Variants in HSPD1 observed in about 807,000 individuals in gnomAD.
The protein encoded by HSPD1 is 60 kDa heat shock protein, mitochondrial.
In HSPD1, 3 loss-of-function variants were observed where a neutral mutation model predicts 53.0. The observed-to-expected ratio is 0.06, with a 90% CI of 0.03 to 0.15. HSPD1 has a LOEUF of 0.15. Among genes scored for constraint, HSPD1 ranks in the 10% least tolerant of loss-of-function variants. The pLI is 1.00. For synonymous variants in HSPD1, 200 were observed against 228.0 expected (o/e 0.88, Z 1.10); for missense variants, 431 against 694.1 (o/e 0.62, Z 4.26).
At chr2:197,500,241 G>A (rs957116940), upstream of HSPD1, 8 of 675,030 alleles carry the variant, frequency 1.2e-5, no homozygotes, top group Middle Eastern at 4.1e-4. Context: ...TCCTGCGCAG[G>A]GCCCTTGGGG....
chr2:197,498,954 C>G, intron 1 of HSPD1, 104 bp from the exon 2 acceptor site: 1 of 1,018,120 alleles, frequency 9.8e-7, no homozygotes, highest in East Asian at 2.6e-5. Context: ...GATGCTGAGC[C>G]TGGCTGACCT....
chr2:197,493,207 A>G (rs2086115744), intron 7 of HSPD1, 117 bp downstream of exon 7: 1 of 897,440 alleles, frequency 1.1e-6, no homozygotes, highest in Non-Finnish European at 1.9e-6. Flanking sequence ...ACAATTCTAG[A>G]TACAAACCCA....
rs1008038503 is a variant in HSPD1, at chr2:197,492,995, A to G, written c.869+329T>C. ...GCACTCCAGCCTGGGCCAGGGAGTGAGACTCTGTCTCAAAAAAAAAAAATA... is the reference window on the plus strand; with the variant it reads ...GCACTCCAGCCTGGGCCAGGGAGTGGGACTCTGTCTCAAAAAAAAAAAATA... On this transcript the variant is annotated intron_variant, in intron 7 of 11. Transcript: ENST00000388968. Among the ~76,000 whole-genome samples the G allele has an allele frequency of 5.5e-5, 8 of 145,202 alleles. No homozygotes were observed. In the Admixed American group the frequency reaches 5.6e-4, roughly 10 times the overall value.
Position 197,494,585 on chromosome 2 carries a change from G to T in HSPD1, c.606+72C>A. The T allele has an allele frequency of 3.8e-6, 4 of 1,065,858 alleles. No individual in the cohort carries two copies. In the South Asian group the frequency reaches 5.2e-5, roughly 14 times the overall value. 66.0% of individuals were successfully genotyped at this position (1,065,858 alleles called of 1,614,324 possible). A position where few individuals can be genotyped will look rare whatever the true frequency, so the allele number is the denominator to read the frequency against. On this transcript the variant is annotated intron_variant, in intron 5 of 11. Coordinates refer to ENST00000388968, the MANE Select transcript of HSPD1 (RefSeq NM_002156.5). ...TTTTCTGTTTGAAAAATTCAGTTTT[G>T]ATCATCAGATAACTCAAACTTTTGA...
chr2:197,488,625 T>C (rs568988862), intron 9 of HSPD1, 134 bp from the exon 10 acceptor site: 5 of 852,270 alleles, frequency 5.9e-6, no homozygotes, highest in South Asian at 2.7e-5. Flanking sequence ...TCCTAGCACT[T>C]TGGGAGGCTG....
chr2:197,493,058 A>T (rs1164660417), intron 7 of HSPD1, among the ~76,000 whole-genome samples: 1 of 152,176 alleles, frequency 6.6e-6, no homozygotes, highest in Middle Eastern at 3.2e-3. Context: ...AACTGTAAAC[A>T]CTTGCAAAAT....
chr2:197,488,083 T>A, intron 10 of HSPD1, 47 bp from the exon 11 acceptor site: 1 of 1,304,452 alleles, frequency 7.7e-7, no homozygotes. Flanking sequence ...TTTGTAAATA[T>A]TGTAACACAT....
intron 7 of HSPD1, among the ~76,000 whole-genome samples, chr2:197,492,771 G>C (rs1273677276): frequency 1.3e-5 from 2 of 151,970 alleles, no homozygotes; most frequent in East Asian, 3.9e-4. Context: ...CAGCACTTTG[G>C]GAGGCTGAGG....
chr2:197,490,401 G>T, intron 7 of HSPD1, 105 bp from the exon 8 acceptor site: 1 of 845,580 alleles, frequency 1.2e-6, no homozygotes, highest in South Asian at 1.5e-5. Flanking sequence ...TAAGTAATCT[G>T]GTTTGGTTTT....
chr2:197,494,412 A>C lies in HSPD1; in HGVS notation c.607-162T>G, dbSNP rs539237070. ...TTACACTTCTGCAAAAAATCCCAAA[A>C]GTGCTTATTTGAATAATCATTTAAG... On this transcript the variant is annotated intron_variant, in intron 5 of 11. Transcript: ENST00000388968. 7.6e-5 allele frequency: 49 copies of C among 642,998 alleles called. No individual in the cohort carries two copies. In the African/African-American group the frequency reaches 8.6e-4, roughly 11 times the overall value. The allele number at this position is 642,998 out of a possible 1,614,324, so 39.8% of individuals were successfully genotyped here. A position where few individuals can be genotyped will look rare whatever the true frequency, so the allele number is the denominator to read the frequency against.
rs2086060309 is a variant in HSPD1 at position 197,489,080 on chromosome 2, A to G, written c.1137T>C (p.Asp379=). The G allele has an allele frequency of 6.2e-7, 1 of 1,613,876 alleles. No homozygotes were observed. The highest frequency in any genetic ancestry group is 2.2e-5 in the East Asian group (1 of 44,884). The change falls in exon 9 of 12, where the codon GAT becomes GAC. Residue 379 remains aspartate (D), a synonymous_variant. Transcript: ENST00000388968. Reference sequence around the variant, plus strand: ...CCTTTTCATATTCACTAGTTGTGACATCTAACTGCTCAATGATTTCTTGAA... The same window carrying G: ...CCTTTTCATATTCACTAGTTGTGACGTCTAACTGCTCAATGATTTCTTGAA... The part of the protein sequence containing the change: ...KRIQEIIEQL[D]VTTSEYEKEK...
At chr2:197,500,187 A>G (rs2086229794), upstream of HSPD1, 1 of 587,290 alleles carries the variant, frequency 1.7e-6, no homozygotes, top group Non-Finnish European at 3.1e-6. Context: ...AAAAGCCTAG[A>G]AACAGCTCCT....
At chr2:197,499,047 G>A (rs527554668) in intron 1 of HSPD1, 197 bp from the exon 2 acceptor site, 98 of 639,288 alleles carry the variant, frequency 1.5e-4, no homozygotes, top group Non-Finnish European at 2.7e-4. Context: ...AGGCCGCCCC[G>A]GCCGGCGCCT....
At chr2:197,492,349 TCTG>T (rs1001084650) in intron 7 of HSPD1, among the ~76,000 whole-genome samples, 6 of 151,924 alleles carry the variant, frequency 3.9e-5, no homozygotes, top group Non-Finnish European at 8.8e-5. Context: ...GCCACCATGC[TCTG>T]CTAATTTTTA....
intron 2 of HSPD1, 93 bp downstream of exon 2, chr2:197,498,582 G>A: frequency 1.8e-6 from 2 of 1,123,062 alleles, no homozygotes; most frequent in Non-Finnish European, 2.7e-6. Context: ...CAAAAATGGA[G>A]ATGAAAGTAC....
intron 7 of HSPD1, among the ~76,000 whole-genome samples, chr2:197,491,229 C>T (rs1225298646): frequency 6.6e-6 from 1 of 150,696 alleles, no homozygotes; most frequent in Non-Finnish European, 1.5e-5. Flanking sequence ...GCTCTGTCGC[C>T]CAGGCTGGAG....
chr2:197,497,027 G>A (rs1301598507), intron 3 of HSPD1, 113 bp downstream of exon 3: 6 of 1,078,630 alleles, frequency 5.6e-6, no homozygotes, highest in South Asian at 1.3e-5. Context: ...GCCAAGAGGA[G>A]GAATGAGAGA....
At chr2:197,499,101 G>C (rs990767938) in intron 1 of HSPD1, 4 of 561,550 alleles carry the variant, frequency 7.1e-6, no homozygotes, top group South Asian at 6.1e-5. Flanking sequence ...CCTTCCCCAC[G>C]GCCACCTATC....
intron 11 of HSPD1, 117 bp downstream of exon 11, chr2:197,487,741 G>A: frequency 2.6e-6 from 2 of 782,158 alleles, no homozygotes; most frequent in Admixed American, 2.0e-5. Flanking sequence ...AAGAGCTATT[G>A]CTGTTGCTAC....
Sources: allele counts gnomAD v4.1 joint callset (sites outside exome capture counted in the v4.1 genomes callset), GRCh38; gene constraint gnomAD v4.1.1; transcripts MANE v1.5; gene names NCBI Gene and HGNC (gene_info 2026-07-23, HGNC 2026-07-21).